MYO7B: variants seen among roughly 807,000 people sequenced by gnomAD.
MYO7B encodes the protein unconventional myosin-VIIb.
Under a neutral mutation model 259.7 loss-of-function variants are expected in MYO7B, and 212 were observed. The ratio of observed to expected loss-of-function variants is 0.82; its 90% CI spans 0.73 to 0.91. The LOEUF is 0.91. Among genes scored for constraint, MYO7B ranks in the 40% least tolerant of loss-of-function variants. MYO7B has a pLI of 0.00. For synonymous variants in MYO7B, 1,197 were observed against 1,166.4 expected (o/e 1.03, Z -0.54); for missense variants, 2,732 against 2,813.5 (o/e 0.97, Z 0.66).
In MYO7B at chr2:127,615,674, G is replaced by T. The variant is rs753405502; in HGVS notation, c.3398+3071G>T. On this transcript the variant is annotated intron_variant, in intron 26 of 47. Coordinates refer to ENST00000409816, the MANE Select transcript of MYO7B (RefSeq NM_001393586.1). The surrounding 1 kb of genome is among the most constrained non-coding windows in gnomAD (Gnocchi z 4.4). ...GGGCGGTAGACGCGGTTTGTCAGTT[G>T]GCCAACATTCTGCTTTTATGAGAAC... 3.3e-5 allele frequency among the ~76,000 whole-genome samples: 5 copies of T among 151,896 alleles called. No individual in the cohort carries two copies. The highest frequency in any genetic ancestry group is 1.9e-4 in the East Asian group (1 of 5,188).
intron 26 of MYO7B, chr2:127,620,126 G>T (rs138303996): frequency 2.4e-6 from 1 of 425,108 alleles, no homozygotes; most frequent in Non-Finnish European, 4.1e-6. Context: ...CTAAAGGACC[G>T]AGAGCACAGG....
intron 1 of MYO7B, among the ~76,000 whole-genome samples, chr2:127,550,551 C>CT (rs751454098): frequency 5.5e-5 from 4 of 73,350 alleles, no homozygotes; most frequent in Non-Finnish European, 7.5e-5. Context: ...GATTAAGACT[C>CT]TGTCTCCAAA....
intron 1 of MYO7B, among the ~76,000 whole-genome samples, chr2:127,555,957 T>C (rs1693618159): frequency 6.6e-6 from 1 of 152,208 alleles, no homozygotes; most frequent in Non-Finnish European, 1.5e-5. Flanking sequence ...TTTTGTTGAC[T>C]TCTGTCTTGA....
intron 18 of MYO7B, 47 bp from the exon 19 acceptor site, chr2:127,596,415 G>A (rs1190218112): frequency 6.8e-7 from 1 of 1,480,930 alleles, no homozygotes; most frequent in Non-Finnish European, 9.4e-7. Flanking sequence ...GGCAGGGGCT[G>A]TAGGGTGAGG....
Position 127,609,969 on chromosome 2 carries a change from G to T in MYO7B, c.3145G>T (p.Gly1049Cys). ...SVMRQIHDTL[G>C]REHGAQVPQH... is the part of the protein sequence containing the mutation. Reference sequence around the variant, plus strand: ...GATGCGGCAGATCCATGACACGCTGGGCAGGGAGCACGGTGCCCAGGTTCC... The same window carrying T: ...GATGCGGCAGATCCATGACACGCTGTGCAGGGAGCACGGTGCCCAGGTTCC... Residue 1049 changes from glycine (G) to cysteine (C), a missense_variant, in exon 24 of 48, where the codon GGC (glycine) becomes TGC (cysteine). This residue lies in a region of MYO7B where 1,906 missense variants were observed against 2,026.4 expected (regional missense o/e 0.94). Coordinates refer to ENST00000409816, the MANE Select transcript of MYO7B (RefSeq NM_001393586.1). This position sits in a 1 kb window ranked among gnomAD's most constrained non-coding sequence, Gnocchi z 6.9. The T allele has an allele frequency of 6.2e-7, 1 of 1,608,064 alleles. No individual in the cohort carries two copies. The highest frequency in any genetic ancestry group is 8.5e-7 in the Non-Finnish European group (1 of 1,177,308).
In MYO7B at chr2:127,565,335, G is replaced by GC; in HGVS notation, c.236dup (p.Gly80ArgfsTer107). 4 of 1,614,032 alleles carry GC rather than the reference G, an allele frequency of 2.5e-6. No homozygotes were observed. Among genetic ancestry groups the GC allele is most frequent in the Non-Finnish European group, 3.4e-6 (4 of 1,179,880 alleles). On this transcript the variant is annotated frameshift_variant, in exon 4 of 48. Transcript: ENST00000409816. LOFTEE classifies it high-confidence loss of function. ...GATCCGCCTGGGGGACCTGAACGAG[G>GC]CAGGCATGGTGCACAACCTCCTGAT...
At chr2:127,540,232 C>T (rs1344147822) in intron 1 of MYO7B, among the ~76,000 whole-genome samples, 4 of 151,170 alleles carry the variant, frequency 2.6e-5, no homozygotes, top group African/African-American at 9.7e-5. Flanking sequence ...GGCGTGATCT[C>T]GGCTCACTGC....
chr2:127,590,986 C>G lies in MYO7B; in HGVS notation c.1992+757C>G, dbSNP rs1679536220. ...AGGCGGGAGGATTGCTTGAGGCAAG[C>G]CTGGGCAACATAGTAAGACCTTATC... On this transcript the variant is annotated intron_variant, in intron 16 of 47. Coordinates refer to ENST00000409816, the MANE Select transcript of MYO7B (RefSeq NM_001393586.1). This position sits in a 1 kb window ranked among gnomAD's most constrained non-coding sequence, Gnocchi z 4.6. 6.6e-6 allele frequency among the ~76,000 whole-genome samples: 1 copy of G among 152,004 alleles called. No homozygotes were observed. The highest frequency in any genetic ancestry group is 1.5e-5 in the Non-Finnish European group (1 of 67,996).
chr2:127,572,900 A>T (rs1181134213), intron 6 of MYO7B, among the ~76,000 whole-genome samples: 1 of 151,788 alleles, frequency 6.6e-6, no homozygotes, highest in Non-Finnish European at 1.5e-5. Flanking sequence ...CTTTCCATAT[A>T]TAGTACATTT....
chr2:127,626,710 C>T (rs1681142594), intron 31 of MYO7B: 5 of 340,100 alleles, frequency 1.5e-5, no homozygotes, highest in Non-Finnish European at 2.7e-5. Flanking sequence ...ACTCGGGAGG[C>T]GGAGCTTGCG....
In MYO7B at chr2:127,636,395, C is replaced by A. The variant is rs567774098; in HGVS notation, c.6123+71C>A. ...CTCAGCCCAGCCCCAGCAGGCCCAG[C>A]GTCAACCAGCACACATCTTGGGTGG... On this transcript the variant is annotated intron_variant, in intron 45 of 47. Transcript: ENST00000409816. This position sits in a 1 kb window ranked among gnomAD's most constrained non-coding sequence, Gnocchi z 4.5. The A allele has an allele frequency of 2.8e-5, 41 of 1,485,418 alleles. No homozygotes were observed. In the Middle Eastern group the frequency reaches 5.2e-4, roughly 19 times the overall value. The allele number at this position is 1,485,418 out of a possible 1,614,324, so 92.0% of individuals were successfully genotyped here.
intron 20 of MYO7B, among the ~76,000 whole-genome samples, chr2:127,606,423 T>C (rs1418524152): frequency 6.6e-6 from 1 of 152,194 alleles, no homozygotes; most frequent in Non-Finnish European, 1.5e-5. Context: ...CACGAAATGG[T>C]CACATCAGCA....
chr2:127,617,381 C>T (rs1284735066), intron 26 of MYO7B, among the ~76,000 whole-genome samples: 1 of 152,082 alleles, frequency 6.6e-6, no homozygotes, highest in African/African-American at 2.4e-5. Flanking sequence ...CAAATTCTTC[C>T]CCATGTTACC....
At chr2:127,589,955 G>C (rs1347926951) in intron 15 of MYO7B, 137 bp from the exon 16 acceptor site, 11 of 933,478 alleles carry the variant, frequency 1.2e-5, no homozygotes, top group Non-Finnish European at 1.8e-5. Flanking sequence ...TGGATGGGTG[G>C]GTGGGTGGAT....
rs1300048890 is a variant in MYO7B at position 127,586,988 on chromosome 2, C to T, written c.1691-1404C>T. Among the ~76,000 whole-genome samples the T allele has an allele frequency of 6.6e-6, 1 of 152,122 alleles. No homozygotes were observed. The highest frequency in any genetic ancestry group is 2.4e-5 in the African/African-American group (1 of 41,436). Reference sequence around the variant, plus strand: ...CCCCTGGTGCTGCTCCCCTCACAGACACCTGCAGGAAGAGGTGGGAAACAG... The same window carrying T: ...CCCCTGGTGCTGCTCCCCTCACAGATACCTGCAGGAAGAGGTGGGAAACAG... On this transcript the variant is annotated intron_variant, in intron 14 of 47. Coordinates refer to ENST00000409816, the MANE Select transcript of MYO7B (RefSeq NM_001393586.1). This position sits in a 1 kb window ranked among gnomAD's most constrained non-coding sequence, Gnocchi z 4.8.
intron 9 of MYO7B, among the ~76,000 whole-genome samples, chr2:127,579,989 G>A (rs952929765): frequency 5.3e-5 from 8 of 152,130 alleles, no homozygotes; most frequent in South Asian, 2.1e-4. Flanking sequence ...GCTTACCTCC[G>A]GAGGAGAGGG....
In MYO7B at chr2:127,607,149, C is replaced by T. The variant is rs183568191; in HGVS notation, c.2425-57C>T. The T allele has an allele frequency of 4.7e-6, 7 of 1,482,190 alleles. No homozygotes were observed. In the Admixed American group the frequency reaches 1.3e-4, roughly 28 times the overall value. 91.8% of individuals were successfully genotyped at this position (1,482,190 alleles called of 1,614,324 possible). A position where few individuals can be genotyped will look rare whatever the true frequency, so the allele number is the denominator to read the frequency against. ...ACTGCCTCCTGGGGAGCACCCCTCT[C>T]TGTTTCCTGGGGAAGGCCTTCTTGC... is the stretch of plus-strand genomic sequence containing the variant. On this transcript the variant is annotated intron_variant, in intron 20 of 47. Coordinates refer to ENST00000409816, the MANE Select transcript of MYO7B (RefSeq NM_001393586.1). The surrounding 1 kb of genome is among the most constrained non-coding windows in gnomAD (Gnocchi z 4.4).
rs532924021 is a variant in MYO7B at position 127,601,089 on chromosome 2, AG to A, written c.2339+4534del. On this transcript the variant is annotated intron_variant, in intron 19 of 47. Coordinates refer to ENST00000409816, the MANE Select transcript of MYO7B (RefSeq NM_001393586.1). ...CCTTGAAATTTCCTCTGTGAAATTT[AG>A]AAGTATGTTGTTTGGTTTTCAAGTG... 1.9e-3 allele frequency among the ~76,000 whole-genome samples: 296 copies of A among 152,372 alleles called. 3 individuals carry two copies. Among genetic ancestry groups the A allele is most frequent in the African/African-American group, 6.4e-3 (266 of 41,582 alleles).
At position 127,631,637 on chromosome 2, in the gene MYO7B, G is replaced by A; in HGVS notation, c.5133G>A (p.Gln1711=). 1 of 1,613,134 alleles carries A rather than the reference G, an allele frequency of 6.2e-7. No individual in the cohort carries two copies. Among genetic ancestry groups the A allele is most frequent in the African/African-American group, 1.3e-5 (1 of 75,060 alleles). ...LRYMGDYPSR[Q]AWPTLELTDQ... Reference sequence around the variant, plus strand: ...ACATGGGCGACTACCCTTCTCGGCAGGCCTGGCCCACCCTGGAGCTCACCG... The same window carrying A: ...ACATGGGCGACTACCCTTCTCGGCAAGCCTGGCCCACCCTGGAGCTCACCG... The change falls in exon 38 of 48, where the codon CAG becomes CAA. Residue 1711 remains glutamine (Q), a synonymous_variant. Transcript: ENST00000409816.
Sources: allele counts gnomAD v4.1 joint callset (sites outside exome capture counted in the v4.1 genomes callset), GRCh38; gene constraint gnomAD v4.1.1; regional missense constraint gnomAD v4.1.1; non-coding constraint Gnocchi (gnomAD v3.1); transcripts MANE v1.5; gene names NCBI Gene and HGNC (gene_info 2026-07-23, HGNC 2026-07-21).